The following PDE10A variants were observed in gnomAD, a reference collection of about 807,000 sequenced individuals.
PDE10A encodes the protein phosphodiesterase 10A.
PDE10A carries 39 observed loss-of-function variants against 97.7 expected under a neutral mutation model. The observed-to-expected ratio is 0.40, with a 90% CI of 0.31 to 0.52. The LOEUF is 0.52. PDE10A is among the 20% of genes least tolerant of loss of function. The pLI, the probability that PDE10A is intolerant of heterozygous loss-of-function variation, is 0.56. For missense variants in PDE10A, 731 were observed against 1,047.8 expected (o/e 0.70, Z 4.17); for synonymous variants, 371 against 376.8 (o/e 0.98, Z 0.18).
chr6:165,410,360 T>C (rs1787644428), intron 13 of PDE10A, among the ~76,000 whole-genome samples: 1 of 152,214 alleles, frequency 6.6e-6, no homozygotes, highest in African/African-American at 2.4e-5. Context: ...AATAAAACTT[T>C]ATTAATGGAA....
chr6:165,940,456 G>A (rs1783476684), intron 1 of PDE10A: 1 of 152,260 alleles, frequency 6.6e-6, no homozygotes, highest in South Asian at 2.1e-4. Context: ...GAACCGCCTG[G>A]AAACAACACG....
chr6:165,690,935 G>A (rs1228100849), intron 1 of PDE10A, among the ~76,000 whole-genome samples: 1 of 152,158 alleles, frequency 6.6e-6, no homozygotes, highest in Non-Finnish European at 1.5e-5. Flanking sequence ...CTGCTCTCCT[G>A]CTTCTCAAGC....
intron 2 of PDE10A, among the ~76,000 whole-genome samples, chr6:165,505,573 T>C (rs1433685000): frequency 6.6e-6 from 1 of 152,206 alleles, no homozygotes; most frequent in Non-Finnish European, 1.5e-5. Context: ...GAGTTCTGCA[T>C]AAAAATGAGT....
At chr6:165,797,742 G>C (rs910296631) in intron 1 of PDE10A, among the ~76,000 whole-genome samples, 9 of 152,156 alleles carry the variant, frequency 5.9e-5, no homozygotes, top group African/African-American at 2.2e-4. Flanking sequence ...TAAAATGAAA[G>C]TAGTTATATT....
chr6:165,424,437 A>G (rs1788964954), intron 10 of PDE10A, among the ~76,000 whole-genome samples: 1 of 152,206 alleles, frequency 6.6e-6, no homozygotes, highest in Admixed American at 6.5e-5. Flanking sequence ...GGTGAATGAA[A>G]ACTTGAAGGA....
In PDE10A at chr6:165,597,523, T is replaced by C. The variant is rs148363751; in HGVS notation, c.866-53955A>G. ...TGTTTTCTCCCTTAGGCTATCTGGG[T>C]TGATGGTTAAAGTGACATATGTATG... On this transcript the variant is annotated intron_variant, in intron 1 of 21. Coordinates refer to ENST00000539869, the MANE Select transcript of PDE10A (RefSeq NM_001385079.1). Among the ~76,000 whole-genome samples, 71 of 152,278 alleles carry C rather than the reference T, an allele frequency of 4.7e-4. 1 individual carries two copies. The highest frequency in any genetic ancestry group is 1.7e-3 in the African/African-American group (69 of 41,542).
intron 3 of PDE10A, among the ~76,000 whole-genome samples, chr6:165,455,539 C>T (rs1280160170): frequency 6.6e-6 from 1 of 152,162 alleles, no homozygotes; most frequent in Non-Finnish European, 1.5e-5. Flanking sequence ...ACCTGCCAAG[C>T]AATTCTTAGG....
chr6:165,688,813 C>T (rs1035641177), intron 1 of PDE10A, among the ~76,000 whole-genome samples: 4 of 152,178 alleles, frequency 2.6e-5, no homozygotes, highest in Admixed American at 1.3e-4. Flanking sequence ...CTCCTCCCTT[C>T]GTGACTGTGT....
chr6:165,376,194 T>A (rs1784592797), intron 18 of PDE10A, among the ~76,000 whole-genome samples: 1 of 152,200 alleles, frequency 6.6e-6, no homozygotes, highest in Admixed American at 6.5e-5. Flanking sequence ...GATTCACCAT[T>A]CTAGATGCCA....
chr6:165,403,600 G>A (rs34267806), intron 13 of PDE10A, among the ~76,000 whole-genome samples: 45,413 of 151,968 alleles, frequency 0.3, 7,559 homozygotes, highest in Middle Eastern at 0.38. Flanking sequence ...ATTTAAAATC[G>A]AATTGACAAA....
chr6:165,622,618 A>G (rs1788198365), intron 1 of PDE10A, among the ~76,000 whole-genome samples: 1 of 152,214 alleles, frequency 6.6e-6, no homozygotes, highest in African/African-American at 2.4e-5. Flanking sequence ...GTTGTTTACC[A>G]AAACATCCTT....
intron 1 of PDE10A, among the ~76,000 whole-genome samples, chr6:165,585,697 AATG>A (rs1368915605): frequency 2.0e-5 from 3 of 152,156 alleles, no homozygotes; most frequent in Non-Finnish European, 2.9e-5. Flanking sequence ...TCTTCTCCAG[AATG>A]ATGAGAGAAT....
At chr6:165,782,912 A>G (rs1473321568) in intron 1 of PDE10A, among the ~76,000 whole-genome samples, 1 of 152,210 alleles carries the variant, frequency 6.6e-6, no homozygotes, top group Non-Finnish European at 1.5e-5. Context: ...TATGAAGGAA[A>G]GAAGAAAAGC....
rs1165097284 is a variant in PDE10A at position 165,661,422 on chromosome 6, G to C, written c.865+525C>G. On this transcript the variant is annotated intron_variant, in intron 1 of 21. Coordinates refer to ENST00000539869, the MANE Select transcript of PDE10A (RefSeq NM_001385079.1). The surrounding 1 kb of genome is among the most constrained non-coding windows in gnomAD (Gnocchi z 4.8). ...GTGGGAGGCCGGGCGCCCACTCCGA[G>C]TCCTGGAGAACGGCGGTGCCATCAC... is the stretch of plus-strand genomic sequence containing the variant. 5 of 152,486 alleles carry C rather than the reference G, an allele frequency of 3.3e-5. No homozygotes were observed. The highest frequency in any genetic ancestry group is 1.2e-4 in the African/African-American group (5 of 41,452). 9.4% of individuals were successfully genotyped at this position (152,486 alleles called of 1,614,324 possible).
chr6:165,463,545 C>A lies in PDE10A; in HGVS notation c.1024-13183G>T, dbSNP rs141377959. The stretch of plus-strand genomic sequence containing the variant: ...GTAATTTCAATGATGATTGTGCTTT[C>A]ATAAATCTGTGTTGTTTGTATAGTC... On this transcript the variant is annotated intron_variant, in intron 3 of 21. Transcript: ENST00000539869. Among the ~76,000 whole-genome samples, 88 of 152,302 alleles carry A rather than the reference C, an allele frequency of 5.8e-4. 1 individual carries two copies. Among genetic ancestry groups the A allele is most frequent in the African/African-American group, 2.0e-3 (85 of 41,572 alleles).
intron 17 of PDE10A, among the ~76,000 whole-genome samples, chr6:165,380,656 T>C (rs1204021050): frequency 6.6e-6 from 1 of 152,194 alleles, no homozygotes; most frequent in Non-Finnish European, 1.5e-5. Flanking sequence ...AGTTCCCACA[T>C]GGATTGTACA....
chr6:165,976,726 G>A (rs879385873), intron 1 of PDE10A, among the ~76,000 whole-genome samples: 1 of 152,180 alleles, frequency 6.6e-6, no homozygotes, highest in Non-Finnish European at 1.5e-5. Context: ...ACTTGACAGA[G>A]CACTAGACTC....
At chr6:165,556,949 G>C (rs1008064235) in intron 1 of PDE10A, among the ~76,000 whole-genome samples, 22 of 152,206 alleles carry the variant, frequency 1.4e-4, no homozygotes, top group Admixed American at 4.6e-4. Context: ...ACACCAGCCT[G>C]GCCAAAATGG....
chr6:165,911,425 T>C lies in PDE10A; in HGVS notation c.-615+76104A>G, dbSNP rs186695424. Among the ~76,000 whole-genome samples, 6 of 152,228 alleles carry C rather than the reference T, an allele frequency of 3.9e-5. No individual in the cohort carries two copies. In the East Asian group the frequency reaches 7.7e-4, roughly 20 times the overall value. The stretch of plus-strand genomic sequence containing the variant: ...ATAAAGAACTTCAGAGCCATAGAAT[T>C]CCCCCGAACAAACTATGTACTTATG... On this transcript the variant is annotated intron_variant, in intron 1 of 19. Transcript: ENST00000366882.
Sources: allele counts gnomAD v4.1 joint callset (sites outside exome capture counted in the v4.1 genomes callset), GRCh38; gene constraint gnomAD v4.1.1; non-coding constraint Gnocchi (gnomAD v3.1); transcripts MANE v1.5; gene names NCBI Gene and HGNC (gene_info 2026-07-23, HGNC 2026-07-21).